Variants in DYNC2LI1 observed in about 807,000 individuals in gnomAD.
DYNC2LI1 encodes the protein dynein cytoplasmic 2 light intermediate chain 1.
DYNC2LI1 carries 45 observed loss-of-function variants against 51.9 expected under a neutral mutation model. The ratio of observed to expected loss-of-function variants is 0.87; its 90% CI spans 0.68 to 1.11. The LOEUF is 1.11. DYNC2LI1 is among the 50% of genes most tolerant of loss of function. The pLI is 0.00. For synonymous variants in DYNC2LI1, 130 were observed against 137.8 expected, an observed-to-expected ratio of 0.94 and a Z score of 0.40; for missense variants, 490 against 417.4, an observed-to-expected ratio of 1.17 and a Z score of -1.51.
At chr2:43,823,001 C>T in the DYNC2LI1 span, 2 of 1,593,212 alleles carry the variant, frequency 1.3e-6, no homozygotes, top group Non-Finnish European at 1.7e-6. Flanking sequence ...AGGGCTAGCC[C>T]AAGCTGAATG....
At chr2:43,809,598 T>A (rs1666407452) in intron 12 of DYNC2LI1, 107 bp from the exon 13 acceptor site, 1 of 716,584 alleles carries the variant, frequency 1.4e-6, no homozygotes, top group African/African-American at 1.8e-5. Flanking sequence ...ATGATAATGC[T>A]ACTAAGGATT....
In DYNC2LI1 at chr2:43,804,734, C is replaced by A. The variant is rs1666185480; in HGVS notation, c.895C>A (p.Pro299Thr). The change falls in exon 11 of 13, where the codon CCA becomes ACA. Residue 299 changes from proline to threonine, a missense_variant. By Grantham distance (38) the Pro-to-Thr change is conservative. Coordinates refer to ENST00000260605, the MANE Select transcript of DYNC2LI1 (RefSeq NM_016008.4). ...AAAAGTGTATGAAAAGCTCTTTCCA[C>A]CAAAGGTACATATTTCTAATTTTTT... ...WKKVYEKLFPPKSINTLKDIK... is the reference protein window; with the variant it reads ...WKKVYEKLFPTKSINTLKDIK... 3.1e-6 allele frequency: 5 copies of A among 1,595,702 alleles called. No individual in the cohort carries two copies. The highest frequency in any genetic ancestry group is 2.2e-5 in the East Asian group (1 of 44,542).
the DYNC2LI1 span, chr2:43,827,882 C>A: frequency 6.5e-7 from 1 of 1,544,140 alleles, no homozygotes; most frequent in Non-Finnish European, 8.8e-7. Context: ...TGTACACAAA[C>A]CCCTTTCCAA....
chr2:43,827,007 T>C, the DYNC2LI1 span, among the ~76,000 whole-genome samples: 4 of 152,176 alleles, frequency 2.6e-5, no homozygotes, highest in Non-Finnish European at 4.4e-5. Flanking sequence ...TTAGAGGGTT[T>C]AAAGTAACTT....
intron 3 of DYNC2LI1, among the ~76,000 whole-genome samples, chr2:43,785,698 C>CAAA (rs557764042): frequency 1.4e-5 from 2 of 142,820 alleles, no homozygotes; most frequent in African/African-American, 2.8e-5. Context: ...TGTGCCACTG[C>CAAA]AAAAAAAATA....
At chr2:43,803,326 A>G (rs980400609) in intron 10 of DYNC2LI1, among the ~76,000 whole-genome samples, 8 of 152,202 alleles carry the variant, frequency 5.3e-5, no homozygotes, top group African/African-American at 1.9e-4. Context: ...GTACCAGGAA[A>G]CACTACTCAG....
the DYNC2LI1 span, among the ~76,000 whole-genome samples, chr2:43,816,977 G>T: frequency 2.0e-5 from 3 of 152,200 alleles, no homozygotes; most frequent in Non-Finnish European, 4.4e-5. Flanking sequence ...AGAGAAGGGA[G>T]CCAACAGCAC....
In DYNC2LI1 at chr2:43,804,744, A is replaced by G. The variant is rs750384632; in HGVS notation, c.900+5A>G. On this transcript the variant is annotated splice_donor_5th_base_variant and intron_variant, in intron 11 of 12. Transcript: ENST00000260605. ...GAAAAGCTCTTTCCACCAAAGGTAC[A>G]TATTTCTAATTTTTTTAAAAGCAAG... The G allele has an allele frequency of 1.3e-6, 2 of 1,582,552 alleles. No individual in the cohort carries two copies. The highest frequency in any genetic ancestry group is 1.2e-5 in the South Asian group (1 of 86,022).
chr2:43,803,298 A>AGATGT (rs1388422818), intron 10 of DYNC2LI1, among the ~76,000 whole-genome samples: 10 of 152,330 alleles, frequency 6.6e-5, no homozygotes, highest in South Asian at 4.1e-4. Flanking sequence ...TGAGTGACTA[A>AGATGT]ACAACTGTGG....
chr2:43,799,410 A>G (rs1166540668), intron 8 of DYNC2LI1, among the ~76,000 whole-genome samples: 1 of 152,204 alleles, frequency 6.6e-6, no homozygotes, highest in African/African-American at 2.4e-5. Flanking sequence ...AAATTATTAT[A>G]TATGAGGACC....
intron 8 of DYNC2LI1, among the ~76,000 whole-genome samples, chr2:43,799,921 T>C (rs1407931792): frequency 6.6e-6 from 1 of 152,244 alleles, no homozygotes; most frequent in Non-Finnish European, 1.5e-5. Flanking sequence ...TACATATACA[T>C]GAGTATTCTC....
At position 43,789,695 on chromosome 2, in the gene DYNC2LI1, C is replaced by T; in HGVS notation, c.294C>T (p.Ser98=). 6.2e-7 allele frequency: 1 copy of T among 1,613,866 alleles called. No homozygotes were observed. Among genetic ancestry groups the T allele is most frequent in the East Asian group, 2.2e-5 (1 of 44,848 alleles). ...GAACCTCTTTATTGGACTTAATCAG[C>T]ATACCCATCACAGGTGACACCTTAC... is the stretch of plus-strand genomic sequence containing the variant. The part of the protein sequence containing the change: ...GGGTSLLDLI[S]IPITGDTLRT... The change falls in exon 5 of 13, where the codon AGC becomes AGT. Residue 98 remains serine (S), a synonymous_variant. Coordinates refer to ENST00000260605, the MANE Select transcript of DYNC2LI1 (RefSeq NM_016008.4).
chr2:43,794,894 A>C (rs1400516960), intron 6 of DYNC2LI1: 1 of 1,386,970 alleles, frequency 7.2e-7, no homozygotes, highest in East Asian at 2.6e-5. Context: ...TCAGAGAAAT[A>C]GAGTTTTAAA....
At chr2:43,789,764 TG>T in intron 5 of DYNC2LI1, 43 bp downstream of exon 5, 2 of 1,555,350 alleles carry the variant, frequency 1.3e-6, no homozygotes, top group Non-Finnish European at 1.8e-6. Context: ...TACACAGGAG[TG>T]TCCCTAGGAG....
the DYNC2LI1 span, among the ~76,000 whole-genome samples, chr2:43,820,868 G>C: frequency 1.3e-5 from 2 of 152,090 alleles, no homozygotes; most frequent in South Asian, 2.1e-4. Context: ...TGGCCAGGCT[G>C]GTCTTGAACT....
chr2:43,819,629 C>T, the DYNC2LI1 span, among the ~76,000 whole-genome samples: 3 of 152,108 alleles, frequency 2.0e-5, no homozygotes, highest in Non-Finnish European at 2.9e-5. Flanking sequence ...TTTCCTGGAA[C>T]ATCCGGGCTG....
chr2:43,813,348 T>C (rs1259205263), downstream of DYNC2LI1: 2 of 1,443,098 alleles, frequency 1.4e-6, no homozygotes, highest in Admixed American at 3.4e-5. Context: ...GTGTGGTTTA[T>C]CTCAGGTAAT....
At chr2:43,792,108 A>G (rs1673819318) in intron 5 of DYNC2LI1, among the ~76,000 whole-genome samples, 1 of 152,270 alleles carries the variant, frequency 6.6e-6, no homozygotes, top group African/African-American at 2.4e-5. Flanking sequence ...TGAAAATGAA[A>G]TTAGTACAAT....
chr2:43,803,932 A>G (rs921233251), intron 10 of DYNC2LI1, among the ~76,000 whole-genome samples: 1 of 152,224 alleles, frequency 6.6e-6, no homozygotes, highest in Admixed American at 6.5e-5. Context: ...ATCTCCTTGT[A>G]AAAAGGTAAA....
Sources: gnomAD v4.1 joint callset for allele counts (sites outside exome capture counted in the v4.1 genomes callset) on GRCh38, gnomAD v4.1.1 for gene constraint, MANE v1.5 for transcripts, NCBI Gene and HGNC (gene_info 2026-07-23, HGNC 2026-07-21) for gene names.